The following TMEM163 variants were observed in gnomAD, a reference collection of about 807,000 sequenced individuals.
TMEM163 encodes transmembrane protein 163.
TMEM163 carries 17 observed loss-of-function variants against 29.3 expected under a neutral mutation model. The observed-to-expected ratio is 0.58, with a 90% CI of 0.40 to 0.87. TMEM163 has a LOEUF of 0.87. Among genes scored for constraint, TMEM163 ranks in the 40% least tolerant of loss-of-function variants. The probability of loss-of-function intolerance (pLI) is 0.00; values close to 1 mark genes in which losing one functional copy is unlikely to be tolerated. For missense variants in TMEM163, 303 were observed against 381.5 expected, an observed-to-expected ratio of 0.79 and a Z score of 1.71; for synonymous variants, 157 against 160.6, an observed-to-expected ratio of 0.98 and a Z score of 0.17.
At chr2:134,511,986 T>C (rs1323240242) in intron 4 of TMEM163, among the ~76,000 whole-genome samples, 1 of 152,214 alleles carries the variant, frequency 6.6e-6, no homozygotes, top group Non-Finnish European at 1.5e-5. Context: ...GGAAAAAATA[T>C]TCTTAGAGAA....
At chr2:134,591,665 G>T (rs1228610604) in intron 2 of TMEM163, among the ~76,000 whole-genome samples, 2 of 152,112 alleles carry the variant, frequency 1.3e-5, no homozygotes, top group East Asian at 3.9e-4. Context: ...CCCAAAGCCA[G>T]GTTTGCATCA....
chr2:134,584,043 C>A (rs1681756379), intron 2 of TMEM163, among the ~76,000 whole-genome samples: 1 of 152,184 alleles, frequency 6.6e-6, no homozygotes, highest in Non-Finnish European at 1.5e-5. Flanking sequence ...CAGCACCTGG[C>A]TCCTAGTAGT....
chr2:134,698,433 T>TCTAATTACCTTTCACTC (rs368802764), intron 2 of TMEM163, among the ~76,000 whole-genome samples: 154 of 152,342 alleles, frequency 1.0e-3, no homozygotes, highest in African/African-American at 3.6e-3. Context: ...TCATTTCACT[T>TCTAATTACCTTTCACTC]CTAATTACCT....
chr2:134,488,171 T>C (rs542577370), intron 5 of TMEM163, among the ~76,000 whole-genome samples: 2 of 152,354 alleles, frequency 1.3e-5, no homozygotes, highest in African/African-American at 4.8e-5. Context: ...TTGATTAGAC[T>C]GAAGGATGCA....
rs147092180 is a variant in TMEM163 at position 134,488,518 on chromosome 2, C to T, written c.555+14383G>A. ...AGTGAACTGCCAGGAGCTCTCAGGT[C>T]TTCGGCCACAGACTGAAGGCTGCAC... On this transcript the variant is annotated intron_variant, in intron 5 of 7. Transcript: ENST00000281924. Among the ~76,000 whole-genome samples, 714 of 152,336 alleles carry T rather than the reference C, an allele frequency of 4.7e-3. 3 individuals carry two copies. The highest frequency in any genetic ancestry group is 0.016 in the African/African-American group (683 of 41,566).
chr2:134,612,337 A>T (rs1267208988), intron 2 of TMEM163, among the ~76,000 whole-genome samples: 1 of 152,174 alleles, frequency 6.6e-6, no homozygotes. Flanking sequence ...TTAGGAAATG[A>T]GATGTCCACA....
chr2:134,541,484 T>C (rs184824865), intron 4 of TMEM163, among the ~76,000 whole-genome samples: 2 of 152,306 alleles, frequency 1.3e-5, no homozygotes, highest in Non-Finnish European at 2.9e-5. Flanking sequence ...CCTAAAGAAA[T>C]AACAAGACAG....
chr2:134,474,699 A>T (rs1308798599), intron 5 of TMEM163, among the ~76,000 whole-genome samples: 1 of 152,188 alleles, frequency 6.6e-6, no homozygotes, highest in East Asian at 1.9e-4. Flanking sequence ...TTAGCAAGTA[A>T]AACTCAACTG....
At chr2:134,646,197 G>A (rs114322419) in intron 2 of TMEM163, among the ~76,000 whole-genome samples, 1,701 of 151,422 alleles carry the variant, frequency 0.011, 35 homozygotes, top group African/African-American at 0.038. Context: ...GGATTTTTCC[G>A]CCTCAGCCTC....
chr2:134,502,206 A>T (rs1679710364), intron 5 of TMEM163, among the ~76,000 whole-genome samples: 1 of 152,242 alleles, frequency 6.6e-6, no homozygotes, highest in Admixed American at 6.5e-5. Context: ...CAGATTTTGC[A>T]TTCAAATTTC....
At chr2:134,628,081 T>C (rs1030367047) in intron 2 of TMEM163, among the ~76,000 whole-genome samples, 6 of 152,230 alleles carry the variant, frequency 3.9e-5, no homozygotes, top group Non-Finnish European at 7.3e-5. Flanking sequence ...TTGATGGAAA[T>C]GTGAGAGCAA....
At chr2:134,536,277 C>T (rs1480105966) in intron 4 of TMEM163, among the ~76,000 whole-genome samples, 2 of 152,070 alleles carry the variant, frequency 1.3e-5, no homozygotes, top group Admixed American at 1.3e-4. Context: ...TTCTGGGCTG[C>T]AGGGAAAACG....
At chr2:134,493,284 G>C (rs899457862) in intron 5 of TMEM163, among the ~76,000 whole-genome samples, 1 of 150,026 alleles carries the variant, frequency 6.7e-6, no homozygotes, top group Non-Finnish European at 1.5e-5. Context: ...TTTCTTAGTG[G>C]TGTCTTGGAA....
At chr2:134,605,749 A>G (rs2104813444) in intron 2 of TMEM163, among the ~76,000 whole-genome samples, 1 of 152,140 alleles carries the variant, frequency 6.6e-6, no homozygotes, top group South Asian at 2.1e-4. Context: ...GGAGAGGAGA[A>G]AAAAGAAAAG....
At chr2:134,713,720 T>A (rs4953925) in intron 1 of TMEM163, 6 of 457,820 alleles carry the variant, frequency 1.3e-5, no homozygotes, top group African/African-American at 1.2e-4. Context: ...CACATTCAGC[T>A]GGGCCTTCAG....
chr2:134,611,625 G>T (rs148289705), intron 2 of TMEM163, among the ~76,000 whole-genome samples: 1 of 152,216 alleles, frequency 6.6e-6, no homozygotes, highest in Non-Finnish European at 1.5e-5. Flanking sequence ...AAAAGAACAA[G>T]GACACATAGG....
At chr2:134,677,978 G>A (rs931261523) in intron 2 of TMEM163, among the ~76,000 whole-genome samples, 9 of 152,220 alleles carry the variant, frequency 5.9e-5, no homozygotes, top group African/African-American at 1.7e-4. Flanking sequence ...AAGCCCACCC[G>A]CAGCCAAGCA....
chr2:134,636,922 T>A (rs1441655295), intron 2 of TMEM163, among the ~76,000 whole-genome samples: 2 of 152,196 alleles, frequency 1.3e-5, no homozygotes, highest in Admixed American at 6.5e-5. Context: ...AAACTCCCTA[T>A]GATTTCATCT....
intron 7 of TMEM163, 140 bp downstream of exon 7, chr2:134,457,892 C>T (rs1558908513): frequency 7.2e-7 from 1 of 1,393,682 alleles, no homozygotes; most frequent in Non-Finnish European, 9.8e-7. Flanking sequence ...TTTCCAGTCA[C>T]CTGACACTGG....
Sources: gnomAD v4.1 joint callset for allele counts (sites outside exome capture counted in the v4.1 genomes callset) on GRCh38, gnomAD v4.1.1 for gene constraint, MANE v1.5 for transcripts, NCBI Gene and HGNC (gene_info 2026-07-23, HGNC 2026-07-21) for gene names.